The following DMD variants were observed in gnomAD, a reference collection of about 807,000 sequenced individuals.
The protein encoded by DMD is dystrophin.
DMD carries 63 observed loss-of-function variants against 330.1 expected under a neutral mutation model. The ratio of observed to expected loss-of-function variants is 0.19; its 90% confidence interval spans 0.16 to 0.24. The LOEUF is 0.24. Among genes scored for constraint, DMD ranks in the 10% least tolerant of loss-of-function variants. DMD has a pLI of 1.00. For synonymous variants in DMD, 1,223 were observed against 959.8 expected (o/e 1.27, Z -5.07); for missense variants, 3,344 against 2,684.1 (o/e 1.25, Z -5.43).
At chrX:31,157,123 A>C (rs192237340) in intron 74 of DMD, among the ~76,000 whole-genome samples, 1 of 112,034 alleles carries the variant, frequency 8.9e-6, no homozygotes, top group East Asian at 2.8e-4. Flanking sequence ...GCTGAAATAA[A>C]ATATGTGGAC....
intron 50 of DMD, among the ~76,000 whole-genome samples, chrX:31,778,714 G>T (rs756416861): frequency 9.2e-6 from 1 of 109,191 alleles, no homozygotes; most frequent in Non-Finnish European, 1.9e-5. Flanking sequence ...GGGACTACAG[G>T]CATTTGCCAC....
At chrX:32,606,425 G>A (rs995986536) in intron 12 of DMD, among the ~76,000 whole-genome samples, 1 of 109,486 alleles carries the variant, frequency 9.1e-6, no homozygotes, top group Non-Finnish European at 1.9e-5. Context: ...TGGCAAGGAT[G>A]TGGAGAAAAG....
intron 34 of DMD, among the ~76,000 whole-genome samples, chrX:32,369,388 C>T (rs765376818): frequency 9.0e-6 from 1 of 111,464 alleles, no homozygotes; most frequent in Admixed American, 9.5e-5. Context: ...AGTATAATTG[C>T]TTGTAGAAAT....
chrX:31,878,439 C>G (rs1335328874), intron 47 of DMD, among the ~76,000 whole-genome samples: 8 of 111,778 alleles, frequency 7.2e-5, no homozygotes, highest in Non-Finnish European at 1.5e-4. Context: ...CAGTATATGT[C>G]TATAGTAGTC....
intron 44 of DMD, among the ~76,000 whole-genome samples, chrX:32,083,537 G>A (rs754558184): frequency 9.0e-5 from 10 of 111,532 alleles, no homozygotes; most frequent in East Asian, 5.6e-4. Context: ...GATTACAGGC[G>A]TGAGCCACCA....
chrX:31,656,318 T>C (rs964604193), intron 54 of DMD, among the ~76,000 whole-genome samples: 1 of 112,180 alleles, frequency 8.9e-6, no homozygotes. Context: ...CTGGAAGTCA[T>C]TCCCATGAAG....
rs754122131 is a variant in DMD at position 32,327,675 on chromosome X, T to G, written c.5922+14425A>C. 2.7e-5 allele frequency among the ~76,000 whole-genome samples: 3 copies of G among 111,518 alleles called. No homozygotes were observed. In the East Asian group the frequency reaches 8.5e-4, roughly 32 times the overall value. ...GTTTCTCCTAAAATAGCTTGTTCTC[T>G]GTCAATGTTCCAGGAAATAATAGTC... On this transcript the variant is annotated intron_variant, in intron 41 of 78. Transcript: ENST00000357033.
intron 57 of DMD, among the ~76,000 whole-genome samples, chrX:31,491,574 C>T (rs1057142550): frequency 8.9e-6 from 1 of 111,776 alleles, no homozygotes; most frequent in African/African-American, 3.3e-5. Flanking sequence ...AACACTTCAC[C>T]GCATCTGGAG....
chrX:32,078,018 C>T (rs759843778), intron 44 of DMD, among the ~76,000 whole-genome samples: 19 of 110,789 alleles, frequency 1.7e-4, no homozygotes, highest in South Asian at 1.2e-3. Context: ...AGGTCTCTAG[C>T]GCCATGGCTC....
At chrX:33,209,495 G>A (rs1470605526) in intron 1 of DMD, among the ~76,000 whole-genome samples, 3 of 111,637 alleles carry the variant, frequency 2.7e-5, no homozygotes, top group Non-Finnish European at 3.8e-5. Flanking sequence ...TGACAATACA[G>A]TGATCTCTTT....
At chrX:32,894,717 G>A (rs2085546270) in intron 2 of DMD, among the ~76,000 whole-genome samples, 1 of 112,373 alleles carries the variant, frequency 8.9e-6, no homozygotes, top group African/African-American at 3.2e-5. Flanking sequence ...TGTGTCTGCA[G>A]TACAGGGTCA....
chrX:32,824,888 T>C (rs2078571686), intron 4 of DMD, among the ~76,000 whole-genome samples: 1 of 111,565 alleles, frequency 9.0e-6, no homozygotes, highest in Non-Finnish European at 1.9e-5. Flanking sequence ...AGATTGATCA[T>C]TCAAGAATAA....
At chrX:32,740,572 C>A (rs766980630) in intron 7 of DMD, among the ~76,000 whole-genome samples, 27 of 110,981 alleles carry the variant, frequency 2.4e-4, no homozygotes, top group African/African-American at 6.9e-4. Flanking sequence ...TGAATATTTA[C>A]TATATTATTA....
intron 1 of DMD, among the ~76,000 whole-genome samples, chrX:33,231,430 C>T (rs2052386143): frequency 1.8e-5 from 2 of 111,878 alleles, no homozygotes; most frequent in Non-Finnish European, 3.8e-5. Flanking sequence ...TATACACAAA[C>T]GCATTTTCTT....
chrX:32,653,865 G>T (rs1334113104), intron 9 of DMD, among the ~76,000 whole-genome samples: 1 of 111,572 alleles, frequency 9.0e-6, no homozygotes, highest in Non-Finnish European at 1.9e-5. Context: ...CCTTGAAGAG[G>T]TCCTTCACAT....
chrX:32,772,588 G>C (rs2073727108), intron 7 of DMD, among the ~76,000 whole-genome samples: 1 of 112,066 alleles, frequency 8.9e-6, no homozygotes, highest in South Asian at 3.7e-4. Context: ...TTCAAAGACA[G>C]TGCAGCTCAA....
chrX:31,432,242 A>G (rs56677319), intron 60 of DMD, among the ~76,000 whole-genome samples: 8,243 of 111,901 alleles, frequency 0.074, 692 homozygotes, highest in African/African-American at 0.24. Flanking sequence ...GTTCAATTCT[A>G]TTCACTATGT....
chrX:32,407,156 A>G (rs1339271684), intron 30 of DMD, among the ~76,000 whole-genome samples: 2 of 111,683 alleles, frequency 1.8e-5, no homozygotes, highest in Non-Finnish European at 3.8e-5. Context: ...GCTTCTGCAC[A>G]GCAAAAGAAA....
At chrX:31,865,960 C>T (rs2093792339) in intron 48 of DMD, among the ~76,000 whole-genome samples, 1 of 111,243 alleles carries the variant, frequency 9.0e-6, no homozygotes, top group Admixed American at 9.6e-5. Context: ...CCTCTGAAGA[C>T]TACTGCTGAT....
Sources: gnomAD v4.1 joint callset for allele counts (sites outside exome capture counted in the v4.1 genomes callset) on GRCh38, gnomAD v4.1.1 for gene constraint, MANE v1.5 for transcripts, NCBI Gene and HGNC (gene_info 2026-07-23, HGNC 2026-07-21) for gene names.